Variants in ZIM2 observed in about 807,000 individuals in gnomAD.
ZIM2 encodes the protein zinc finger protein 656.
Under a neutral mutation model 38.6 loss-of-function variants are expected in ZIM2, and 14 were observed. The observed-to-expected ratio is 0.36, with a 90% CI of 0.24 to 0.57. ZIM2 has a LOEUF of 0.57. ZIM2 is among the 20% of genes least tolerant of loss of function. ZIM2 has a pLI of 0.81. For missense variants in ZIM2, 680 were observed against 695.1 expected (o/e 0.98, Z 0.24); for synonymous variants, 247 against 245.8 (o/e 1.00, Z -0.04).
intron 1 of ZIM2, among the ~76,000 whole-genome samples, chr19:56,837,919 A>G (rs1314124682): frequency 6.6e-6 from 1 of 152,130 alleles, no homozygotes; most frequent in Non-Finnish European, 1.5e-5. Flanking sequence ...GTGCCTCCGC[A>G]CTGCACCCGC....
chr19:56,775,580 C>T (rs750289890), intron 12 of ZIM2, 51 bp from the exon 13 acceptor site: 7 of 1,533,090 alleles, frequency 4.6e-6, no homozygotes, highest in Non-Finnish European at 6.1e-6. Context: ...CCAATCCTGC[C>T]CCCCAATAAT....
chr19:56,776,826 G>A (rs113080219), intron 12 of ZIM2, among the ~76,000 whole-genome samples: 35 of 152,216 alleles, frequency 2.3e-4, no homozygotes, highest in South Asian at 8.3e-4. Context: ...GTCAGTAAAC[G>A]GGGAAGGGGG....
At chr19:56,824,611 G>C in intron 3 of ZIM2, 184 bp from the exon 4 acceptor site, 2 of 1,607,338 alleles carry the variant, frequency 1.2e-6, no homozygotes, top group South Asian at 1.1e-5. Context: ...TTGGGGCCCA[G>C]GACTTCTTAG....
chr19:56,808,849 T>C (rs10401139), intron 9 of ZIM2, among the ~76,000 whole-genome samples: 38,284 of 151,922 alleles, frequency 0.25, 4,977 homozygotes, highest in African/African-American at 0.31. Context: ...GGCTTTATGG[T>C]CTATTTCCTT....
intron 9 of ZIM2, chr19:56,813,814 G>C: frequency 6.2e-7 from 1 of 1,614,114 alleles, no homozygotes; most frequent in Non-Finnish European, 8.5e-7. Context: ...GATGTAGCCT[G>C]AGCACTCCCC....
chr19:56,790,247 C>G (rs974319381), intron 9 of ZIM2, among the ~76,000 whole-genome samples: 1 of 152,214 alleles, frequency 6.6e-6, no homozygotes, highest in Non-Finnish European at 1.5e-5. Flanking sequence ...AAGATCACCA[C>G]AGAACCTCTG....
intron 5 of ZIM2, 62 bp downstream of exon 5, chr19:56,823,528 T>C (rs996749405): frequency 8.8e-5 from 141 of 1,601,028 alleles, no homozygotes; most frequent in South Asian, 3.3e-5. Context: ...ACCCACTGTG[T>C]CTCCATCTGG....
At chr19:56,808,303 C>T (rs927034554) in intron 9 of ZIM2, among the ~76,000 whole-genome samples, 13 of 152,166 alleles carry the variant, frequency 8.5e-5, no homozygotes, top group Admixed American at 1.3e-4. Context: ...GCAATTATCA[C>T]GGGGAACCTT....
chr19:56,807,169 A>G (rs1407434806), intron 9 of ZIM2, among the ~76,000 whole-genome samples: 2 of 152,204 alleles, frequency 1.3e-5, no homozygotes, highest in Non-Finnish European at 2.9e-5. Context: ...AAGACCTTGC[A>G]TGGAGAAGAG....
chr19:56,809,999 A>C, intron 9 of ZIM2: 1 of 256,538 alleles, frequency 3.9e-6, no homozygotes, highest in Non-Finnish European at 6.1e-6. Context: ...TAAAGGAGGA[A>C]CTAAGCTTTT....
chr19:56,783,939 T>TCC (rs2046458880), intron 10 of ZIM2, among the ~76,000 whole-genome samples: 1 of 152,174 alleles, frequency 6.6e-6, no homozygotes, highest in Admixed American at 6.6e-5. Flanking sequence ...GTAACACGTG[T>TCC]AAGAAAATGC....
At chr19:56,790,062 G>A in intron 9 of ZIM2, 111 bp from the exon 10 acceptor site, 1 of 768,906 alleles carries the variant, frequency 1.3e-6, no homozygotes, top group Non-Finnish European at 1.9e-6. Flanking sequence ...AGGAACAGCA[G>A]CTCTAGAGTT....
At chr19:56,815,576 G>A in intron 9 of ZIM2, 1 of 1,613,996 alleles carries the variant, frequency 6.2e-7, no homozygotes, top group Non-Finnish European at 8.5e-7. Context: ...TCACCAAAAG[G>A]CAGAGAGTGA....
intron 9 of ZIM2, chr19:56,799,533 T>G (rs2047402408): frequency 6.6e-6 from 1 of 152,090 alleles, no homozygotes; most frequent in African/African-American, 2.4e-5. Context: ...TGATCTGTGC[T>G]GCAAACCACT....
chr19:56,814,505 A>T lies in ZIM2; in HGVS notation c.490+3241T>A. 2 of 1,613,380 alleles carry T rather than the reference A, an allele frequency of 1.2e-6. No individual in the cohort carries two copies. Among genetic ancestry groups the T allele is most frequent in the Non-Finnish European group, 1.7e-6 (2 of 1,179,352 alleles). ...AGAAATGAGGTGTGAGTATAGGAGGACCCGTACTCATAGGGCTCATTCTTA... is the reference window on the plus strand; with the variant it reads ...AGAAATGAGGTGTGAGTATAGGAGGTCCCGTACTCATAGGGCTCATTCTTA... On this transcript the variant is annotated intron_variant, in intron 9 of 12. Coordinates refer to ENST00000629319, the MANE Select transcript of ZIM2 (RefSeq NM_001387356.1). The surrounding 1 kb of genome is among the most constrained non-coding windows in gnomAD (Gnocchi z 5.8).
chr19:56,824,415 T>C lies in ZIM2; in HGVS notation c.-138A>G. Reference sequence around the variant, plus strand: ...AAGAGCTCGATGATCTCCTCCTTGGTGCGGGTCTCCGGCTGCAACCAATCG... The same window carrying C: ...AAGAGCTCGATGATCTCCTCCTTGGCGCGGGTCTCCGGCTGCAACCAATCG... On this transcript the variant is annotated 5_prime_UTR_variant, in exon 4 of 13. Transcript: ENST00000629319. 1.9e-6 allele frequency: 3 copies of C among 1,614,130 alleles called. No homozygotes were observed. The South Asian group carries it at 3.3e-5, about 18-fold the overall frequency.
At chr19:56,839,723 C>T (rs2062746317) in intron 1 of ZIM2, among the ~76,000 whole-genome samples, 1 of 151,572 alleles carries the variant, frequency 6.6e-6, no homozygotes, top group South Asian at 2.1e-4. Context: ...ATGCAACCCA[C>T]AGTCATTCAG....
chr19:56,836,004 G>A lies in ZIM2; in HGVS notation c.-227+14C>T, dbSNP rs763581511. ...AAGATGAATGTGGCACTGTGAGGAG[G>A]AAATTCAACTCACCTGGACCCAGCC... On this transcript the variant is annotated intron_variant, in intron 2 of 12. Coordinates refer to ENST00000629319, the MANE Select transcript of ZIM2 (RefSeq NM_001387356.1). The A allele has an allele frequency of 3.9e-6, 2 of 510,282 alleles. No individual in the cohort carries two copies. Among genetic ancestry groups the A allele is most frequent in the Admixed American group, 2.0e-5 (1 of 50,554 alleles). The allele number at this position is 510,282 out of a possible 1,614,324, so 31.6% of individuals were successfully genotyped here.
rs868844053 is a variant in ZIM2 at position 56,833,352 on chromosome 19, C to T, written c.-227+2666G>A. On this transcript the variant is annotated intron_variant, in intron 2 of 12. Transcript: ENST00000629319. ...CAGGAACCGAGGAGGTTACTCTCTTCGTCTCCCAGGGACAGCGTGGTGTGT... is the reference window on the plus strand; with the variant it reads ...CAGGAACCGAGGAGGTTACTCTCTTTGTCTCCCAGGGACAGCGTGGTGTGT... 19 of 368,282 alleles carry T rather than the reference C, an allele frequency of 5.2e-5. 1 individual carries two copies. Among genetic ancestry groups the T allele is most frequent in the Non-Finnish European group, 4.3e-5 (8 of 187,054 alleles). The allele number at this position is 368,282 out of a possible 1,614,324, so 22.8% of individuals were successfully genotyped here. A position where few individuals can be genotyped will look rare whatever the true frequency, so the allele number is the denominator to read the frequency against.
Sources: allele counts gnomAD v4.1 joint callset (sites outside exome capture counted in the v4.1 genomes callset), GRCh38; gene constraint gnomAD v4.1.1; non-coding constraint Gnocchi (gnomAD v3.1); transcripts MANE v1.5; gene names NCBI Gene and HGNC (gene_info 2026-07-23, HGNC 2026-07-21).